Variants in BACH2 observed in about 807,000 individuals in gnomAD.
BACH2 encodes transcription regulator protein BACH2.
BACH2 carries 5 observed loss-of-function variants against 61.8 expected under a neutral mutation model. The observed-to-expected ratio is 0.08, with a 90% CI of 0.04 to 0.17. The LOEUF (loss-of-function observed/expected upper bound fraction) is 0.17. BACH2 is among the 10% of genes least tolerant of loss of function. BACH2 has a pLI of 1.00. For missense variants in BACH2, 824 were observed against 1,091.1 expected, an observed-to-expected ratio of 0.76 and a Z score of 3.45; for synonymous variants, 446 against 440.1, an observed-to-expected ratio of 1.01 and a Z score of -0.17.
chr6:90,258,778 G>A (rs1305326516), intron 2 of BACH2, among the ~76,000 whole-genome samples: 1 of 151,834 alleles, frequency 6.6e-6, no homozygotes, highest in Non-Finnish European at 1.5e-5. Context: ...CTTTCACATT[G>A]GTTGAATTTA....
intron 4 of BACH2, among the ~76,000 whole-genome samples, chr6:90,166,935 T>A (rs1378964174): frequency 6.6e-6 from 1 of 151,660 alleles, no homozygotes; most frequent in Non-Finnish European, 1.5e-5. Flanking sequence ...AGGAATAGTA[T>A]TAGGAAATAT....
intron 6 of BACH2, among the ~76,000 whole-genome samples, chr6:89,976,952 A>G (rs907269291): frequency 1.3e-5 from 2 of 152,204 alleles, no homozygotes; most frequent in Non-Finnish European, 2.9e-5. Context: ...CTATTTACAA[A>G]TTCACTTTTC....
intron 1 of BACH2, among the ~76,000 whole-genome samples, chr6:90,295,192 G>C (rs1019418326): frequency 1.3e-5 from 2 of 152,090 alleles, no homozygotes; most frequent in African/African-American, 4.8e-5. Flanking sequence ...GGCGGTGACC[G>C]GGAGAGCAGG....
At chr6:90,034,621 G>T (rs1243215275) in intron 5 of BACH2, among the ~76,000 whole-genome samples, 1 of 152,074 alleles carries the variant, frequency 6.6e-6, no homozygotes, top group East Asian at 1.9e-4. Context: ...AAAGTATCAG[G>T]AAAGATAATT....
At chr6:89,959,097 G>GCGCA (rs1554220437) in intron 6 of BACH2, among the ~76,000 whole-genome samples, 29 of 134,484 alleles carry the variant, frequency 2.2e-4, no homozygotes, top group Admixed American at 1.7e-3. Flanking sequence ...ATGCACAAGT[G>GCGCA]CACACACACA....
At chr6:90,204,434 A>T (rs1248215972) in intron 4 of BACH2, among the ~76,000 whole-genome samples, 1 of 152,196 alleles carries the variant, frequency 6.6e-6, no homozygotes, top group Non-Finnish European at 1.5e-5. Flanking sequence ...AGCCATAAGA[A>T]AAATGCTGAC....
intron 4 of BACH2, among the ~76,000 whole-genome samples, chr6:90,124,086 C>A (rs1252967005): frequency 1.3e-5 from 2 of 152,088 alleles, no homozygotes; most frequent in Non-Finnish European, 2.9e-5. Context: ...GTTGGAGAAT[C>A]CATGTTTTTC....
intron 5 of BACH2, among the ~76,000 whole-genome samples, chr6:90,053,480 C>T (rs567962787): frequency 1.2e-4 from 18 of 152,142 alleles, no homozygotes; most frequent in African/African-American, 3.9e-4. Flanking sequence ...TAGGGTCTCA[C>T]TGTATTGTGC....
chr6:90,202,431 GA>G (rs1429134347), intron 4 of BACH2, among the ~76,000 whole-genome samples: 3 of 151,782 alleles, frequency 2.0e-5, no homozygotes, highest in South Asian at 4.2e-4. Flanking sequence ...AATATTCAGA[GA>G]AAAAAAAATT....
At chr6:90,007,135 C>T (rs1777451015) in intron 6 of BACH2, among the ~76,000 whole-genome samples, 3 of 151,990 alleles carry the variant, frequency 2.0e-5, no homozygotes, top group South Asian at 2.1e-4. Flanking sequence ...AGTGCAATGG[C>T]GTGATCTCAG....
chr6:89,982,938 C>A (rs1425653584), intron 6 of BACH2, among the ~76,000 whole-genome samples: 1 of 152,132 alleles, frequency 6.6e-6, no homozygotes, highest in Non-Finnish European at 1.5e-5. Flanking sequence ...TTGATGATTA[C>A]CCTTAACATG....
chr6:89,954,459 C>T (rs1288333713), intron 6 of BACH2, among the ~76,000 whole-genome samples: 2 of 102,954 alleles, frequency 1.9e-5, no homozygotes, highest in Non-Finnish European at 3.7e-5. Flanking sequence ...CTCCCCCCAC[C>T]CCACAACAGT....
chr6:90,246,105 C>T (rs1333924181), intron 3 of BACH2, among the ~76,000 whole-genome samples: 5 of 152,182 alleles, frequency 3.3e-5, no homozygotes, highest in Non-Finnish European at 5.9e-5. Flanking sequence ...GTCCTTCACT[C>T]AACCCAGATT....
At chr6:90,224,123 A>G (rs1042378161) in intron 3 of BACH2, among the ~76,000 whole-genome samples, 2 of 152,244 alleles carry the variant, frequency 1.3e-5, no homozygotes, top group Non-Finnish European at 2.9e-5. Flanking sequence ...TTCATTTGAT[A>G]ATCTCATAAT....
intron 5 of BACH2, among the ~76,000 whole-genome samples, chr6:90,058,189 C>G (rs1048824564): frequency 1.3e-5 from 2 of 152,264 alleles, no homozygotes; most frequent in African/African-American, 2.4e-5. Flanking sequence ...AATTGTCCCT[C>G]TTTGCAGATG....
At chr6:89,974,357 G>C (rs1775533774) in intron 6 of BACH2, among the ~76,000 whole-genome samples, 1 of 152,196 alleles carries the variant, frequency 6.6e-6, no homozygotes, top group Non-Finnish European at 1.5e-5. Context: ...GCACAGGGCA[G>C]TGCCTGGCAT....
intron 4 of BACH2, among the ~76,000 whole-genome samples, chr6:90,203,836 T>C (rs916959203): frequency 6.6e-6 from 1 of 152,130 alleles, no homozygotes; most frequent in African/African-American, 2.4e-5. Flanking sequence ...ATGCGAGCTA[T>C]CCAAAGTCCC....
chr6:90,129,192 C>A (rs544822454), intron 4 of BACH2, among the ~76,000 whole-genome samples: 1 of 152,248 alleles, frequency 6.6e-6, no homozygotes, highest in South Asian at 2.1e-4. Context: ...ACGTTGCGCA[C>A]ATGTACCCTA....
At chr6:90,166,249 T>C (rs1399050031) in intron 4 of BACH2, among the ~76,000 whole-genome samples, 4 of 152,132 alleles carry the variant, frequency 2.6e-5, no homozygotes, top group Admixed American at 2.6e-4. Flanking sequence ...GCAAAGGATA[T>C]GAACAGACAC....
Sources: gnomAD v4.1 joint callset for allele counts (sites outside exome capture counted in the v4.1 genomes callset) on GRCh38, gnomAD v4.1.1 for gene constraint, MANE v1.5 for transcripts, NCBI Gene and HGNC (gene_info 2026-07-23, HGNC 2026-07-21) for gene names.